Variants in OR1B1 observed in about 807,000 individuals in gnomAD.
OR1B1 encodes olfactory receptor family 1 subfamily B member 1, also known as olfactory receptor 1B1.
For synonymous variants in OR1B1, 168 were observed against 156.2 expected (o/e 1.08, Z -0.57); for missense variants, 414 against 402.1 (o/e 1.03, Z -0.25).
chr9:122,638,405 A>T, the OR1B1 span, among the ~76,000 whole-genome samples: 1 of 152,304 alleles, frequency 6.6e-6, no homozygotes, highest in Non-Finnish European at 1.5e-5. Context: ...AATATAAACA[A>T]TAAAGCCAAG....
chr9:122,636,924 C>T, the OR1B1 span, among the ~76,000 whole-genome samples: 1 of 152,212 alleles, frequency 6.6e-6, no homozygotes. Flanking sequence ...TAAAGGAGAA[C>T]ATATTCCGTT....
chr9:122,642,810 A>AT, the OR1B1 span, among the ~76,000 whole-genome samples: 1 of 152,282 alleles, frequency 6.6e-6, no homozygotes, highest in South Asian at 2.1e-4. Context: ...TGGAGACGAA[A>AT]TTGAATATAA....
the OR1B1 span, among the ~76,000 whole-genome samples, chr9:122,655,355 G>T: frequency 6.6e-6 from 1 of 152,012 alleles, no homozygotes; most frequent in South Asian, 2.1e-4. Flanking sequence ...CCTATTACCG[G>T]CTCCTTGAAA....
chr9:122,655,236 T>C, the OR1B1 span, among the ~76,000 whole-genome samples: 1 of 152,006 alleles, frequency 6.6e-6, no homozygotes, highest in Non-Finnish European at 1.5e-5. Context: ...AAAAGGAAAA[T>C]ACAGCATCCA....
chr9:122,654,419 T>C, the OR1B1 span, among the ~76,000 whole-genome samples: 1 of 152,222 alleles, frequency 6.6e-6, no homozygotes, highest in Admixed American at 6.5e-5. Context: ...AGTGCTCTGC[T>C]GCATCAAGAA....
chr9:122,652,699 G>GT, the OR1B1 span, among the ~76,000 whole-genome samples: 97 of 149,392 alleles, frequency 6.5e-4, no homozygotes, highest in Admixed American at 2.3e-3. Context: ...GTTTGTTGTT[G>GT]TTTTTTTTTC....
chr9:122,652,378 A>G, the OR1B1 span, among the ~76,000 whole-genome samples: 1 of 152,204 alleles, frequency 6.6e-6, no homozygotes, highest in East Asian at 1.9e-4. Flanking sequence ...TCATTTTGTT[A>G]AAGATTTGTG....
the OR1B1 span, among the ~76,000 whole-genome samples, chr9:122,648,821 C>G: frequency 6.6e-6 from 1 of 152,142 alleles, no homozygotes; most frequent in Non-Finnish European, 1.5e-5. Flanking sequence ...AATGGCTATA[C>G]TGCCCAAAGT....
chr9:122,639,346 C>A, the OR1B1 span, among the ~76,000 whole-genome samples: 18 of 152,132 alleles, frequency 1.2e-4, no homozygotes, highest in Non-Finnish European at 1.8e-4. Context: ...ATCTTTAGAT[C>A]TCAGCATCAT....
chr9:122,643,344 C>A, the OR1B1 span, among the ~76,000 whole-genome samples: 2 of 152,226 alleles, frequency 1.3e-5, no homozygotes, highest in Non-Finnish European at 2.9e-5. Flanking sequence ...CTGAACTCAG[C>A]ACTTCCCTGT....
At chr9:122,633,788 G>A (rs1330927939), upstream of OR1B1, among the ~76,000 whole-genome samples, 3 of 151,844 alleles carry the variant, frequency 2.0e-5, no homozygotes, top group East Asian at 1.9e-4. Context: ...AAATTAGCCC[G>A]GCATGGTGGG....
At chr9:122,629,114 T>C in exon 1 of OR1B1, 1 of 1,614,090 alleles carries the variant, frequency 6.2e-7, no homozygotes, top group Non-Finnish European at 8.5e-7. Flanking sequence ...GGCACACCGT[T>C]GGTGATTCAT....
chr9:122,651,557 A>G, the OR1B1 span, among the ~76,000 whole-genome samples: 1,612 of 152,256 alleles, frequency 0.011, 23 homozygotes, highest in African/African-American at 0.036. Flanking sequence ...AGCTGGAGGC[A>G]TCATACTACC....
Position 122,629,127 on chromosome 9 carries a change from C to G in OR1B1, c.409G>C (p.Val137Leu), listed in dbSNP as rs751605010. ...CAGGCACACCGTTGGTGATTCATTA[C>G]CAAAGCATAGTGCAGGGGGTCACAG... Residue 137 changes from valine (V) to leucine (L), a missense_variant, in exon 1 of 1, where the codon GTA (valine) becomes CTA (leucine). Val to Leu is a conservative substitution (Grantham distance 32). Transcript: ENST00000623530. 6 of 1,614,028 alleles carry G rather than the reference C, an allele frequency of 3.7e-6. No individual in the cohort carries two copies. In the Admixed American group the frequency reaches 1.0e-4, roughly 27 times the overall value.
chr9:122,635,608 G>T, the OR1B1 span, among the ~76,000 whole-genome samples: 1 of 152,128 alleles, frequency 6.6e-6, no homozygotes, highest in East Asian at 1.9e-4. Flanking sequence ...CACTATGTAT[G>T]TGTACATTAA....
the OR1B1 span, among the ~76,000 whole-genome samples, chr9:122,652,223 TATA>T: frequency 6.6e-6 from 1 of 152,228 alleles, no homozygotes; most frequent in East Asian, 1.9e-4. Flanking sequence ...TAAAGATTCA[TATA>T]ATATTACAAC....
the OR1B1 span, among the ~76,000 whole-genome samples, chr9:122,639,150 G>A: frequency 1.3e-5 from 2 of 152,072 alleles, no homozygotes; most frequent in Non-Finnish European, 2.9e-5. Context: ...GTTACCTCCT[G>A]CTTAGGGTAA....
At chr9:122,645,512 G>A in the OR1B1 span, among the ~76,000 whole-genome samples, 1 of 151,660 alleles carries the variant, frequency 6.6e-6, no homozygotes, top group Non-Finnish European at 1.5e-5. Flanking sequence ...AAAGGCCAAG[G>A]ATAAAAAAAG....
chr9:122,653,930 C>G, the OR1B1 span, among the ~76,000 whole-genome samples: 1 of 152,048 alleles, frequency 6.6e-6, no homozygotes, highest in Non-Finnish European at 1.5e-5. Context: ...ATCTCTTTAA[C>G]ATATTATTAA....
Sources: allele counts gnomAD v4.1 joint callset (sites outside exome capture counted in the v4.1 genomes callset), GRCh38; gene constraint gnomAD v4.1.1; transcripts MANE v1.5; gene names NCBI Gene and HGNC (gene_info 2026-07-23, HGNC 2026-07-21).